SH3BGR: variants seen among roughly 807,000 people sequenced by gnomAD.
The protein encoded by SH3BGR is SH3 domain-binding glutamic acid-rich protein.
A neutral mutation model predicts 24.5 loss-of-function variants in SH3BGR; 29 were observed. The ratio of observed to expected loss-of-function variants is 1.18; its 90% CI spans 0.88 to 1.61. The LOEUF (loss-of-function observed/expected upper bound fraction) is 1.61. Among genes scored for constraint, SH3BGR ranks in the 40% most tolerant of loss-of-function variants. The pLI is 0.00. For synonymous variants in SH3BGR, 55 were observed against 65.7 expected (o/e 0.84, Z 0.79); for missense variants, 162 against 205.8 (o/e 0.79, Z 1.30).
At chr21:39,513,525 G>GT (rs58689801) in intron 6 of SH3BGR, among the ~76,000 whole-genome samples, 6,134 of 152,114 alleles carry the variant, frequency 0.04, 399 homozygotes, top group African/African-American at 0.14. Context: ...GACCATAAAG[G>GT]TTTTGTCATT....
At chr21:39,506,843 G>C (rs1293926985) in intron 4 of SH3BGR, among the ~76,000 whole-genome samples, 1 of 152,150 alleles carries the variant, frequency 6.6e-6, no homozygotes, top group Non-Finnish European at 1.5e-5. Flanking sequence ...GTAAGGTTGG[G>C]TGCTTTTTGG....
At chr21:39,453,213 A>T (rs1021424461) in intron 1 of SH3BGR, among the ~76,000 whole-genome samples, 14 of 152,240 alleles carry the variant, frequency 9.2e-5, no homozygotes, top group African/African-American at 3.4e-4. Context: ...AAAGCAAGAG[A>T]AAATAGCTTG....
intron 1 of SH3BGR, 98 bp downstream of exon 1, chr21:39,452,239 T>C: frequency 7.2e-7 from 1 of 1,383,808 alleles, no homozygotes; most frequent in African/African-American, 1.4e-5. Context: ...TTTTTGCGTG[T>C]AGTCAGCTGT....
At chr21:39,456,313 A>C (rs2077653676) in intron 1 of SH3BGR, among the ~76,000 whole-genome samples, 1 of 152,192 alleles carries the variant, frequency 6.6e-6, no homozygotes, top group Admixed American at 6.5e-5. Context: ...TAAAAGTAAA[A>C]CTGCCTAAAA....
At chr21:39,463,149 G>C (rs538513094) in intron 2 of SH3BGR, among the ~76,000 whole-genome samples, 1 of 152,312 alleles carries the variant, frequency 6.6e-6, no homozygotes, top group South Asian at 2.1e-4. Flanking sequence ...CTCCCAAAGT[G>C]CTGGGACTAC....
intron 4 of SH3BGR, among the ~76,000 whole-genome samples, chr21:39,504,300 G>GCTGA (rs2078545991): frequency 1.3e-5 from 2 of 152,130 alleles, no homozygotes; most frequent in Admixed American, 6.5e-5. Flanking sequence ...TCTCAGCCTG[G>GCTGA]GTCCCTGGAG....
In SH3BGR at chr21:39,475,215, G is replaced by A. The variant is rs745851098; in HGVS notation, c.312G>A (p.Lys104=). ...GTTTGGCTCCTCCTCCAGACTCAAA[G>A]GTAAGTTTGAACAAACTCCATTGGG... ...FLGLAPPPDS[K]GSEKAEEGGE... is the part of the protein sequence containing the mutation. Residue 104 remains lysine (K), a splice_region_variant and synonymous_variant, in exon 3 of 7, where the codon AAG becomes AAA. Coordinates refer to ENST00000333634, the MANE Select transcript of SH3BGR (RefSeq NM_007341.3). 13 of 1,597,686 alleles carry A rather than the reference G, an allele frequency of 8.1e-6. No homozygotes were observed. Among genetic ancestry groups the A allele is most frequent in the African/African-American group, 1.3e-5 (1 of 74,556 alleles).
At chr21:39,487,898 A>G (rs1350611880) in intron 3 of SH3BGR, among the ~76,000 whole-genome samples, 1 of 152,228 alleles carries the variant, frequency 6.6e-6, no homozygotes, top group Non-Finnish European at 1.5e-5. Context: ...CTTCACTTGA[A>G]GGAGTACAAA....
chr21:39,498,165 A>C (rs559943655), intron 3 of SH3BGR, among the ~76,000 whole-genome samples: 19 of 152,348 alleles, frequency 1.2e-4, no homozygotes, highest in Non-Finnish European at 1.3e-4. Flanking sequence ...TTTCAAAACC[A>C]CAAAAATAAA....
chr21:39,503,222 A>C (rs541865865), intron 4 of SH3BGR, among the ~76,000 whole-genome samples: 1 of 152,344 alleles, frequency 6.6e-6, no homozygotes, highest in Admixed American at 6.5e-5. Flanking sequence ...AGAAGGAATA[A>C]AAACAGTTTT....
intron 2 of SH3BGR, 117 bp downstream of exon 2, chr21:39,462,677 A>G (rs375673521): frequency 2.8e-5 from 17 of 609,652 alleles, no homozygotes; most frequent in Admixed American, 4.1e-5. Flanking sequence ...GTCATGGTCT[A>G]TTTCTGCCAT....
chr21:39,457,370 TAA>T (rs1478472596), intron 1 of SH3BGR, among the ~76,000 whole-genome samples: 4 of 143,570 alleles, frequency 2.8e-5, no homozygotes, highest in African/African-American at 7.5e-5. Flanking sequence ...ATCTTATATA[TAA>T]GATTATTATA....
intron 1 of SH3BGR, among the ~76,000 whole-genome samples, chr21:39,453,927 A>G (rs1452511467): frequency 1.3e-5 from 2 of 152,236 alleles, no homozygotes; most frequent in Non-Finnish European, 1.5e-5. Context: ...CTATTAGTTA[A>G]TATTAGTTGC....
At chr21:39,458,201 C>G (rs924025484) in intron 1 of SH3BGR, among the ~76,000 whole-genome samples, 1 of 109,352 alleles carries the variant, frequency 9.1e-6, no homozygotes, top group African/African-American at 3.0e-5. Context: ...ACAAGGGGCT[C>G]TTGTGCTCTG....
intron 1 of SH3BGR, among the ~76,000 whole-genome samples, chr21:39,455,127 G>A (rs973181576): frequency 2.0e-5 from 3 of 152,234 alleles, no homozygotes; most frequent in African/African-American, 4.8e-5. Flanking sequence ...GACAATAAAC[G>A]AGAGGTGCCA....
At chr21:39,495,917 C>T (rs2078386635) in intron 3 of SH3BGR, among the ~76,000 whole-genome samples, 1 of 152,022 alleles carries the variant, frequency 6.6e-6, no homozygotes, top group Non-Finnish European at 1.5e-5. Flanking sequence ...TATGATTGCA[C>T]CTATAAATGC....
At chr21:39,448,489 T>C (rs76138914), upstream of SH3BGR, among the ~76,000 whole-genome samples, 5,807 of 152,278 alleles carry the variant, frequency 0.038, 151 homozygotes, top group South Asian at 0.068. Context: ...CAAAAAGTGA[T>C]GTTATTTGAC....
intron 2 of SH3BGR, among the ~76,000 whole-genome samples, chr21:39,474,043 C>A: frequency 6.6e-6 from 1 of 152,146 alleles, no homozygotes; most frequent in Non-Finnish European, 1.5e-5. Context: ...TCACAGCTCA[C>A]TGCAGCCTTG....
At chr21:39,447,385 G>A (rs2077508409), upstream of SH3BGR, among the ~76,000 whole-genome samples, 1 of 149,258 alleles carries the variant, frequency 6.7e-6, no homozygotes, top group Non-Finnish European at 1.5e-5. Flanking sequence ...CTGCAAATCT[G>A]CCCTTGAATC....
Sources: allele counts gnomAD v4.1 joint callset (sites outside exome capture counted in the v4.1 genomes callset), GRCh38; gene constraint gnomAD v4.1.1; transcripts MANE v1.5; gene names NCBI Gene and HGNC (gene_info 2026-07-23, HGNC 2026-07-21).